Variants in EFCAB6 observed in about 807,000 individuals in gnomAD.
The protein encoded by EFCAB6 is EF-hand calcium binding domain 6, also known as EF-hand calcium-binding domain-containing protein 6.
Under a neutral mutation model 169.8 loss-of-function variants are expected in EFCAB6, and 156 were observed. That is an observed-to-expected ratio of 0.92 (90% CI 0.81 to 1.05). The LOEUF (loss-of-function observed/expected upper bound fraction) is 1.05. Among genes scored for constraint, EFCAB6 ranks in the 50% least tolerant of loss-of-function variants. The pLI, the probability that EFCAB6 is intolerant of heterozygous loss-of-function variation, is 0.00. For missense variants in EFCAB6, 1,800 were observed against 1,829.1 expected, an observed-to-expected ratio of 0.98 and a Z score of 0.29; for synonymous variants, 698 against 676.4, an observed-to-expected ratio of 1.03 and a Z score of -0.50.
At chr22:43,594,993 T>C (rs1420955645) in intron 23 of EFCAB6, among the ~76,000 whole-genome samples, 1 of 151,854 alleles carries the variant, frequency 6.6e-6, no homozygotes, top group Non-Finnish European at 1.5e-5. Context: ...ACTGTACAAA[T>C]ACGTAGAAAT....
rs535707854 is a variant in EFCAB6, at chr22:43,802,635, C to T, written c.-8+6360G>A. The stretch of plus-strand genomic sequence containing the variant: ...AAGCCAGAGCCCAAGCCTAAAAGGG[C>T]CCCTACAAAGAAGAGAGAGAAGGTA... On this transcript the variant is annotated intron_variant, in intron 2 of 31. Coordinates refer to ENST00000262726, the MANE Select transcript of EFCAB6 (RefSeq NM_022785.4). The T allele has an allele frequency of 4.4e-5, 21 of 481,978 alleles. 1 individual carries two copies. The East Asian group carries it at 1.2e-3, about 27-fold the overall frequency. 29.9% of individuals were successfully genotyped at this position (481,978 alleles called of 1,614,324 possible).
In EFCAB6 at chr22:43,554,976, T is replaced by C; in HGVS notation, c.3541A>G (p.Ile1181Val). 4 of 1,614,136 alleles carry C rather than the reference T, an allele frequency of 2.5e-6. No homozygotes were observed. Among genetic ancestry groups the C allele is most frequent in the Non-Finnish European group, 3.4e-6 (4 of 1,180,020 alleles). Reference sequence around the variant, plus strand: ...TCAAAATTCTCAAACTCCTGGGTGATGGCATGGTAATGGGAAGTCACTGCT... The same window carrying C: ...TCAAAATTCTCAAACTCCTGGGTGACGGCATGGTAATGGGAAGTCACTGCT... ...HKAVTSHYHA[I>V]TQEFENFDTM... is the part of the protein sequence containing the mutation. The change falls in exon 27 of 32, where the codon ATC becomes GTC. Residue 1181 changes from isoleucine to valine, a missense_variant. Physicochemically the swap from Ile to Val is conservative, Grantham distance 29. Transcript: ENST00000262726.
intron 12 of EFCAB6, among the ~76,000 whole-genome samples, chr22:43,682,093 C>T (rs564513810): frequency 6.6e-6 from 1 of 152,312 alleles, no homozygotes. Context: ...CCACTCCTGG[C>T]TCCCACCCTT....
chr22:43,531,064 G>A (rs2047033443), intron 30 of EFCAB6, 100 bp from the exon 31 acceptor site: 2 of 1,505,412 alleles, frequency 1.3e-6, no homozygotes, highest in South Asian at 1.2e-5. Flanking sequence ...GCCCTGCTCC[G>A]GCTTCACCTC....
At chr22:43,749,546 G>C (rs934877820) in intron 6 of EFCAB6, among the ~76,000 whole-genome samples, 1 of 152,078 alleles carries the variant, frequency 6.6e-6, no homozygotes, top group South Asian at 2.1e-4. Flanking sequence ...GTGCAACGTA[G>C]ATCCTCGCAT....
intron 17 of EFCAB6, among the ~76,000 whole-genome samples, chr22:43,636,768 G>A (rs1173767639): frequency 6.6e-6 from 1 of 151,460 alleles, no homozygotes; most frequent in Non-Finnish European, 1.5e-5. Context: ...CTGCCACCAC[G>A]CCCAGCTAAT....
chr22:43,701,842 T>C (rs189613774), intron 10 of EFCAB6, among the ~76,000 whole-genome samples: 3 of 152,180 alleles, frequency 2.0e-5, no homozygotes, highest in East Asian at 1.9e-4. Flanking sequence ...TATTTGATTA[T>C]GTTAAAATGT....
intron 3 of EFCAB6, among the ~76,000 whole-genome samples, chr22:43,775,421 A>G (rs964478690): frequency 6.6e-6 from 1 of 152,156 alleles, no homozygotes; most frequent in African/African-American, 2.4e-5. Flanking sequence ...GAGGTCACGC[A>G]AGCTGCTACG....
intron 20 of EFCAB6, among the ~76,000 whole-genome samples, chr22:43,623,699 T>G (rs1287156151): frequency 7.3e-6 from 1 of 137,662 alleles, no homozygotes; most frequent in Non-Finnish European, 1.5e-5. Context: ...ATCGAGACCA[T>G]CCTGGCTAAC....
intron 12 of EFCAB6, among the ~76,000 whole-genome samples, chr22:43,681,112 T>C (rs1005460960): frequency 6.6e-6 from 1 of 152,198 alleles, no homozygotes; most frequent in African/African-American, 2.4e-5. Flanking sequence ...GTAAATTCCC[T>C]TTATCAGGTG....
chr22:43,590,238 G>A lies in EFCAB6; in HGVS notation c.2877-9C>T, dbSNP rs2051382997. On this transcript the variant is annotated splice_polypyrimidine_tract_variant and intron_variant, in intron 23 of 31. Coordinates refer to ENST00000262726, the MANE Select transcript of EFCAB6 (RefSeq NM_022785.4). ...GGTCCATAAGCTTATCCCTGAAAGA[G>A]AGTACATTGCAGACATACCCTAAAA... 3.1e-6 allele frequency: 5 copies of A among 1,612,190 alleles called. No individual in the cohort carries two copies. Among genetic ancestry groups the A allele is most frequent in the South Asian group, 2.2e-5 (2 of 90,544 alleles).
At chr22:43,585,650 G>C (rs2051015801) in intron 24 of EFCAB6, among the ~76,000 whole-genome samples, 2 of 152,058 alleles carry the variant, frequency 1.3e-5, no homozygotes, top group South Asian at 4.1e-4. Context: ...TACACATCCA[G>C]GAAGTTCAGA....
At position 43,552,903 on chromosome 22, in the gene EFCAB6, GA is replaced by G. The variant is rs1160369424; in HGVS notation, c.3648+1965del. ...AAAGGCTTATTTTCATTTATGCTAA[GA>G]GGAGTATTTGCAAATACAGAGTTTG... On this transcript the variant is annotated intron_variant, in intron 27 of 31. Coordinates refer to ENST00000262726, the MANE Select transcript of EFCAB6 (RefSeq NM_022785.4). 3 of 152,302 alleles carry G rather than the reference GA, an allele frequency of 2.0e-5. No homozygotes were observed. In the East Asian group the frequency reaches 5.8e-4, roughly 29 times the overall value. The allele number at this position is 152,302 out of a possible 1,614,324, so 9.4% of individuals were successfully genotyped here.
intron 10 of EFCAB6, among the ~76,000 whole-genome samples, chr22:43,700,452 AC>A (rs1165917996): frequency 6.6e-6 from 1 of 152,102 alleles, no homozygotes; most frequent in Non-Finnish European, 1.5e-5. Context: ...AGGAAAAAAA[AC>A]CCATAGCGTA....
chr22:43,581,972 T>C (rs946251032), intron 24 of EFCAB6, among the ~76,000 whole-genome samples: 5 of 152,328 alleles, frequency 3.3e-5, no homozygotes, highest in Non-Finnish European at 5.9e-5. Context: ...AAGAATAATC[T>C]ACATATAATT....
intron 2 of EFCAB6, among the ~76,000 whole-genome samples, chr22:43,799,036 A>T (rs180855222): frequency 1.5e-3 from 229 of 152,204 alleles, no homozygotes; most frequent in African/African-American, 5.4e-3. Context: ...AAAAATACAC[A>T]ATGCAGCTGG....
intron 9 of EFCAB6, among the ~76,000 whole-genome samples, chr22:43,716,497 G>C (rs1181354775): frequency 6.6e-6 from 1 of 152,068 alleles, no homozygotes; most frequent in Non-Finnish European, 1.5e-5. Flanking sequence ...AGGAAGAATA[G>C]GTAGTAATAC....
intron 24 of EFCAB6, among the ~76,000 whole-genome samples, chr22:43,589,264 G>C (rs1461089562): frequency 2.2e-5 from 2 of 91,286 alleles, no homozygotes; most frequent in Non-Finnish European, 4.2e-5. Context: ...CTGGGTAACA[G>C]AGGGAGACTT....
intron 17 of EFCAB6, among the ~76,000 whole-genome samples, chr22:43,665,180 T>C (rs780836467): frequency 1.3e-5 from 2 of 152,038 alleles, no homozygotes; most frequent in African/African-American, 2.4e-5. Context: ...AGAAGGCAGG[T>C]AGACAGGTAG....
Sources: allele counts gnomAD v4.1 joint callset (sites outside exome capture counted in the v4.1 genomes callset), GRCh38; gene constraint gnomAD v4.1.1; transcripts MANE v1.5; gene names NCBI Gene and HGNC (gene_info 2026-07-23, HGNC 2026-07-21).